PAQR5: variants seen among roughly 807,000 people sequenced by gnomAD.
The protein encoded by PAQR5 is membrane progestin receptor gamma.
PAQR5 carries 20 observed loss-of-function variants against 34.5 expected under a neutral mutation model. That is an observed-to-expected ratio of 0.58 (90% CI 0.41 to 0.84). The LOEUF (loss-of-function observed/expected upper bound fraction) is 0.84. Among genes scored for constraint, PAQR5 ranks in the 40% least tolerant of loss-of-function variants. The pLI is 0.00. For synonymous variants in PAQR5, 131 were observed against 155.6 expected (o/e 0.84, Z 1.18); for missense variants, 378 against 412.7 (o/e 0.92, Z 0.73).
intron 1 of PAQR5, among the ~76,000 whole-genome samples, chr15:69,336,928 T>C (rs1342988860): frequency 6.6e-6 from 1 of 152,256 alleles, no homozygotes; most frequent in Non-Finnish European, 1.5e-5. Flanking sequence ...CAATTGTAGC[T>C]TTAATAGTGG....
At chr15:69,390,356 A>ATTTTTTTTTTTT (rs144601337) in intron 6 of PAQR5, among the ~76,000 whole-genome samples, 7 of 132,662 alleles carry the variant, frequency 5.3e-5, no homozygotes, top group Non-Finnish European at 6.4e-5. Flanking sequence ...TTATTTATTT[A>ATTTTTTTTTTTT]TTTATTTTTT....
chr15:69,351,074 A>T (rs2054905521), intron 2 of PAQR5, among the ~76,000 whole-genome samples: 1 of 152,210 alleles, frequency 6.6e-6, no homozygotes, highest in South Asian at 2.1e-4. Flanking sequence ...AAGGGAATAG[A>T]CATACTTAGA....
At chr15:69,324,909 T>C (rs2054212184) in intron 1 of PAQR5, among the ~76,000 whole-genome samples, 1 of 151,716 alleles carries the variant, frequency 6.6e-6, no homozygotes, top group South Asian at 2.1e-4. Flanking sequence ...TTTTTTTTTT[T>C]TTTTTCTGAG....
chr15:69,384,131 G>C (rs1338076954), intron 4 of PAQR5, among the ~76,000 whole-genome samples: 3 of 137,070 alleles, frequency 2.2e-5, no homozygotes, highest in South Asian at 2.5e-4. Context: ...CTGTGCTCAT[G>C]GTGGAGGGTG....
chr15:69,361,983 G>A (rs182748154), intron 3 of PAQR5, among the ~76,000 whole-genome samples: 1 of 152,030 alleles, frequency 6.6e-6, no homozygotes, highest in East Asian at 1.9e-4. Flanking sequence ...GAGCGTCTTG[G>A]GGGTAGAGGT....
chr15:69,328,763 T>C (rs1162064802), intron 1 of PAQR5, among the ~76,000 whole-genome samples: 1 of 152,140 alleles, frequency 6.6e-6, no homozygotes, highest in Admixed American at 6.5e-5. Flanking sequence ...TCCCCCTGGG[T>C]CTGCAGATGA....
intron 2 of PAQR5, among the ~76,000 whole-genome samples, chr15:69,355,117 CT>C (rs968046233): frequency 2.2e-4 from 33 of 152,058 alleles, no homozygotes; most frequent in Non-Finnish European, 2.6e-4. Context: ...GAATTCTTGG[CT>C]TCCATTATCA....
intron 1 of PAQR5, among the ~76,000 whole-genome samples, chr15:69,323,694 C>G (rs1186359063): frequency 1.1e-4 from 16 of 152,142 alleles, no homozygotes; most frequent in African/African-American, 3.9e-4. Flanking sequence ...TGTGGGCAAA[C>G]CCTGTTGTTA....
intron 7 of PAQR5, among the ~76,000 whole-genome samples, chr15:69,398,319 C>T (rs148648243): frequency 4.8e-4 from 73 of 152,238 alleles, no homozygotes; most frequent in African/African-American, 1.8e-3. Flanking sequence ...AGTCCACGCA[C>T]TTTCAAACCA....
At chr15:69,377,719 C>T (rs1386499028) in intron 3 of PAQR5, among the ~76,000 whole-genome samples, 4 of 113,126 alleles carry the variant, frequency 3.5e-5, no homozygotes, top group Non-Finnish European at 6.1e-5. Flanking sequence ...TGCACTTAAA[C>T]GCTTCACTTT....
intron 1 of PAQR5, among the ~76,000 whole-genome samples, chr15:69,322,789 AG>A (rs1566998109): frequency 0.013 from 1,346 of 106,778 alleles, 298 homozygotes; most frequent in Middle Eastern, 0.017. Context: ...GAAGAAGACG[AG>A]GAAGAAGAAG....
chr15:69,389,488 A>G (rs1288417166), intron 5 of PAQR5, among the ~76,000 whole-genome samples, 166 bp from the exon 6 acceptor site: 1 of 152,180 alleles, frequency 6.6e-6, no homozygotes, highest in East Asian at 1.9e-4. Context: ...GTGGGCAGAG[A>G]AGAGAAAGCA....
At chr15:69,380,831 C>T (rs748178009) in intron 4 of PAQR5, among the ~76,000 whole-genome samples, 1 of 152,206 alleles carries the variant, frequency 6.6e-6, no homozygotes. Flanking sequence ...GGCGTCCTTA[C>T]GTCATGCAGG....
At chr15:69,301,089 C>T (rs201346261) in intron 1 of PAQR5, among the ~76,000 whole-genome samples, 38 of 150,778 alleles carry the variant, frequency 2.5e-4, no homozygotes, top group East Asian at 2.3e-3. Flanking sequence ...CTGCAACCTC[C>T]GCCTCCCGGG....
intron 6 of PAQR5, among the ~76,000 whole-genome samples, chr15:69,396,618 C>T (rs1277291656): frequency 6.6e-6 from 1 of 152,170 alleles, no homozygotes; most frequent in African/African-American, 2.4e-5. Context: ...AGCCAGGGCC[C>T]ATGAGCACTT....
In PAQR5 at chr15:69,312,125, T is replaced by C. The variant is rs141016709; in HGVS notation, c.-277+13069T>C. Among the ~76,000 whole-genome samples, 19 of 151,978 alleles carry C rather than the reference T, an allele frequency of 1.3e-4. 1 individual carries two copies. In the East Asian group the frequency reaches 2.5e-3, roughly 20 times the overall value. Reference sequence around the variant, plus strand: ...GGGTGCAGGGGAGTGTGTGGGTGTGTTTGGGTGTCCGGGAGGACAGCAATC... The same window carrying C: ...GGGTGCAGGGGAGTGTGTGGGTGTGCTTGGGTGTCCGGGAGGACAGCAATC... On this transcript the variant is annotated intron_variant, in intron 1 of 8. Coordinates refer to ENST00000395407, the MANE Select transcript of PAQR5 (RefSeq NM_017705.4).
chr15:69,376,477 G>A (rs145329925), intron 3 of PAQR5, among the ~76,000 whole-genome samples: 1 of 152,132 alleles, frequency 6.6e-6, no homozygotes, highest in East Asian at 1.9e-4. Flanking sequence ...GTGCAACTAA[G>A]ACCTAGTAAT....
chr15:69,394,878 T>A (rs1423179931), intron 6 of PAQR5, among the ~76,000 whole-genome samples: 1 of 152,242 alleles, frequency 6.6e-6, no homozygotes, highest in Non-Finnish European at 1.5e-5. Context: ...TGTTGCTGTC[T>A]CTCTTCTCTT....
chr15:69,327,665 A>G (rs561929550), intron 1 of PAQR5, among the ~76,000 whole-genome samples: 1 of 152,164 alleles, frequency 6.6e-6, no homozygotes, highest in Non-Finnish European at 1.5e-5. Flanking sequence ...AGAAAGTGAG[A>G]GCATGTGGCA....
Sources: gnomAD v4.1 joint callset for allele counts (sites outside exome capture counted in the v4.1 genomes callset) on GRCh38, gnomAD v4.1.1 for gene constraint, MANE v1.5 for transcripts, NCBI Gene and HGNC (gene_info 2026-07-23, HGNC 2026-07-21) for gene names.